EIF4G3: variants seen among roughly 807,000 people sequenced by gnomAD.
EIF4G3 encodes eIF-4-gamma 3.
A neutral mutation model predicts 186.4 loss-of-function variants in EIF4G3; 34 were observed. The ratio of observed to expected loss-of-function variants is 0.18; its 90% CI spans 0.14 to 0.24. The LOEUF (loss-of-function observed/expected upper bound fraction) is 0.24. Ranked by LOEUF, EIF4G3 falls within the 10% of genes least tolerant of loss-of-function variation. The probability of loss-of-function intolerance (pLI) is 1.00; values close to 1 mark genes in which losing one functional copy is unlikely to be tolerated. For missense variants in EIF4G3, 1,536 were observed against 1,948.5 expected, an observed-to-expected ratio of 0.79 and a Z score of 3.99; for synonymous variants, 673 against 679.5, an observed-to-expected ratio of 0.99 and a Z score of 0.15.
chr1:20,903,109 T>C (rs1245663398), intron 15 of EIF4G3, among the ~76,000 whole-genome samples: 1 of 152,254 alleles, frequency 6.6e-6, no homozygotes, highest in Non-Finnish European at 1.5e-5. Flanking sequence ...AGGATGATAT[T>C]TATATTTGTA....
intron 7 of EIF4G3, among the ~76,000 whole-genome samples, chr1:20,985,721 G>C (rs948222464): frequency 6.6e-6 from 1 of 152,118 alleles, no homozygotes; most frequent in African/African-American, 2.4e-5. Context: ...TCTCAACTGA[G>C]TGATGAACAA....
intron 31 of EIF4G3, 56 bp downstream of exon 31, chr1:20,829,091 G>A: frequency 6.3e-7 from 1 of 1,577,518 alleles, no homozygotes; most frequent in South Asian, 1.1e-5. Context: ...GAGCTAGCAA[G>A]TGAGTTATTA....
At chr1:20,979,637 A>T (rs1209906854) in intron 10 of EIF4G3, among the ~76,000 whole-genome samples, 1 of 152,216 alleles carries the variant, frequency 6.6e-6, no homozygotes, top group African/African-American at 2.4e-5. Flanking sequence ...AAGATGTCAG[A>T]ACTCTGAAAC....
chr1:20,909,778 ATTTTTTT>A (rs35293207), intron 14 of EIF4G3, among the ~76,000 whole-genome samples: 22 of 129,346 alleles, frequency 1.7e-4, no homozygotes, highest in African/African-American at 5.2e-4. Flanking sequence ...CAATCTGCTA[ATTTTTTT>A]TTTTTTTTTT....
intron 3 of EIF4G3, among the ~76,000 whole-genome samples, chr1:21,059,067 T>G (rs886508436): frequency 6.6e-6 from 1 of 152,028 alleles, no homozygotes; most frequent in Non-Finnish European, 1.5e-5. Context: ...AACAGGAAAC[T>G]CCAGGATTCC....
chr1:21,007,192 G>A (rs780774206), intron 4 of EIF4G3, among the ~76,000 whole-genome samples: 10 of 152,180 alleles, frequency 6.6e-5, no homozygotes, highest in African/African-American at 9.6e-5. Flanking sequence ...GAGGTCAGGA[G>A]CTCGAGACCA....
At chr1:20,975,148 C>CA (rs1024891832) in intron 10 of EIF4G3, among the ~76,000 whole-genome samples, 16 of 147,738 alleles carry the variant, frequency 1.1e-4, no homozygotes, top group East Asian at 3.9e-4. Flanking sequence ...GTAAAAAGAC[C>CA]AAAAAAAAAA....
intron 26 of EIF4G3, 51 bp downstream of exon 26, chr1:20,854,927 G>T: frequency 6.7e-7 from 1 of 1,490,272 alleles, no homozygotes; most frequent in Non-Finnish European, 9.3e-7. Flanking sequence ...GCGCTGTAAG[G>T]CAAATGCTAA....
intron 6 of EIF4G3, among the ~76,000 whole-genome samples, chr1:20,998,102 G>A (rs1013753476): frequency 3.3e-5 from 5 of 151,828 alleles, no homozygotes; most frequent in Non-Finnish European, 7.4e-5. Flanking sequence ...AGTAAAAAAC[G>A]TAACACAATT....
At chr1:21,144,012 C>T (rs2097390378) in intron 2 of EIF4G3, among the ~76,000 whole-genome samples, 1 of 152,180 alleles carries the variant, frequency 6.6e-6, no homozygotes, top group Non-Finnish European at 1.5e-5. Flanking sequence ...GGTTCATAGG[C>T]ATGAGACACT....
At chr1:20,920,110 T>C (rs2094357912) in intron 14 of EIF4G3, among the ~76,000 whole-genome samples, 1 of 152,172 alleles carries the variant, frequency 6.6e-6, no homozygotes, top group Non-Finnish European at 1.5e-5. Flanking sequence ...TTCTCCATGT[T>C]GGTCAGGCTG....
chr1:21,176,851 AT>A lies in EIF4G3; in HGVS notation c.-586del. Reference sequence around the variant, plus strand: ...ATTTTCTTCACTCAACGAGCAGAGCATCCAACATGGCGCTGTGGCCGCCTCC... The same window carrying A: ...ATTTTCTTCACTCAACGAGCAGAGCACCAACATGGCGCTGTGGCCGCCTCC... On this transcript the variant is annotated 5_prime_UTR_variant, in exon 1 of 37. It removes an upstream start codon present in the reference 5' UTR. Transcript: ENST00000602326. The A allele has an allele frequency of 1.4e-6, 1 of 701,148 alleles. No individual in the cohort carries two copies. Among genetic ancestry groups the A allele is most frequent in the East Asian group, 2.7e-5 (1 of 37,068 alleles). 43.4% of individuals were successfully genotyped at this position (701,148 alleles called of 1,614,324 possible).
intron 29 of EIF4G3, among the ~76,000 whole-genome samples, chr1:20,844,100 A>G (rs1353667469): frequency 6.6e-6 from 1 of 152,168 alleles, no homozygotes; most frequent in Non-Finnish European, 1.5e-5. Flanking sequence ...TATTGTGAAT[A>G]GTGCTACAAT....
At chr1:21,075,292 G>A (rs1243108594) in intron 3 of EIF4G3, among the ~76,000 whole-genome samples, 2 of 152,012 alleles carry the variant, frequency 1.3e-5, no homozygotes, top group East Asian at 3.9e-4. Context: ...CATAGGGCCG[G>A]GCAGGGTGGC....
intron 26 of EIF4G3, 44 bp downstream of exon 26, chr1:20,854,934 C>T: frequency 1.3e-6 from 2 of 1,546,044 alleles, no homozygotes; most frequent in Admixed American, 3.4e-5. Context: ...AAGGCAAATG[C>T]TAACAAGCCA....
rs764131606 is a variant in EIF4G3, at chr1:20,857,515, T to A, written c.3245-18A>T. On this transcript the variant is annotated intron_variant, in intron 24 of 36. Coordinates refer to ENST00000602326, the MANE Select transcript of EIF4G3 (RefSeq NM_001391906.1). ...CTGGACACCTGCAGGGAGAACAGAG[T>A]GGGAGTCTCTCATCTGTCTCAAGTC... The A allele has an allele frequency of 1.3e-6, 2 of 1,589,328 alleles. No individual in the cohort carries two copies. Among genetic ancestry groups the A allele is most frequent in the South Asian group, 1.1e-5 (1 of 90,562 alleles).
intron 4 of EIF4G3, among the ~76,000 whole-genome samples, chr1:21,010,493 C>T (rs977452186): frequency 6.6e-6 from 1 of 151,242 alleles, no homozygotes; most frequent in African/African-American, 2.4e-5. Flanking sequence ...ACAAAATTTA[C>T]TATCTTAACC....
intron 2 of EIF4G3, among the ~76,000 whole-genome samples, chr1:21,128,063 C>T (rs1054622479): frequency 9.2e-5 from 14 of 151,576 alleles, no homozygotes; most frequent in Admixed American, 4.6e-4. Flanking sequence ...AAAAATTAGC[C>T]GGGCGTGGTG....
chr1:20,969,105 CGTTAA>C (rs1262303423), intron 12 of EIF4G3, among the ~76,000 whole-genome samples: 1 of 152,086 alleles, frequency 6.6e-6, no homozygotes, highest in Non-Finnish European at 1.5e-5. Context: ...TTAATGTTTG[CGTTAA>C]CAAAAGGTGC....
Sources: allele counts gnomAD v4.1 joint callset (sites outside exome capture counted in the v4.1 genomes callset), GRCh38; gene constraint gnomAD v4.1.1; transcripts MANE v1.5; gene names NCBI Gene and HGNC (gene_info 2026-07-23, HGNC 2026-07-21).